The following RNF168 variants were observed in gnomAD, a reference collection of about 807,000 sequenced individuals.
RNF168 encodes the protein ring finger protein 168.
In RNF168, 34 loss-of-function variants were observed where a neutral mutation model predicts 34.9. The observed-to-expected ratio is 0.97, with a 90% confidence interval of 0.74 to 1.30. RNF168 has a LOEUF of 1.30. RNF168 is among the 50% of genes most tolerant of loss of function. RNF168 has a pLI of 0.00. For synonymous variants in RNF168, 264 were observed against 254.7 expected (o/e 1.04, Z -0.35); for missense variants, 725 against 682.5 (o/e 1.06, Z -0.69).
At chr3:196,481,115 T>C (rs1163559581) in intron 4 of RNF168, among the ~76,000 whole-genome samples, 1 of 152,252 alleles carries the variant, frequency 6.6e-6, no homozygotes, top group South Asian at 2.1e-4. Flanking sequence ...GTTTTCTACA[T>C]AGATAATTAT....
chr3:196,476,379 T>C (rs1577509750), intron 4 of RNF168, among the ~76,000 whole-genome samples: 1 of 152,070 alleles, frequency 6.6e-6, no homozygotes, highest in Non-Finnish European at 1.5e-5. Flanking sequence ...TATTCTGGTA[T>C]AGAGATGTTA....
intron 4 of RNF168, among the ~76,000 whole-genome samples, chr3:196,479,447 G>A (rs186183256): frequency 2.5e-3 from 379 of 151,694 alleles, no homozygotes; most frequent in African/African-American, 8.3e-3. Context: ...TGAGACCACA[G>A]GCACACCACG....
intron 4 of RNF168, among the ~76,000 whole-genome samples, chr3:196,480,504 T>C (rs192357705): frequency 1.7e-4 from 26 of 152,364 alleles, no homozygotes; most frequent in African/African-American, 5.0e-4. Context: ...AAAGAAAAAT[T>C]TGAAAAGTTG....
intron 4 of RNF168, among the ~76,000 whole-genome samples, chr3:196,478,539 T>C (rs927303902): frequency 2.3e-4 from 35 of 152,254 alleles, no homozygotes; most frequent in African/African-American, 8.4e-4. Flanking sequence ...GCTGCCCAAT[T>C]TGTGAATTGT....
At chr3:196,494,240 G>A (rs1732681966) in intron 1 of RNF168, among the ~76,000 whole-genome samples, 1 of 152,098 alleles carries the variant, frequency 6.6e-6, no homozygotes, top group Non-Finnish European at 1.5e-5. Flanking sequence ...TTTGCCATCT[G>A]TTGGAAACAA....
intron 4 of RNF168, among the ~76,000 whole-genome samples, chr3:196,476,959 G>A (rs553768376): frequency 6.6e-6 from 1 of 151,636 alleles, no homozygotes; most frequent in South Asian, 2.1e-4. Flanking sequence ...CGTTGGCCTG[G>A]ATGGTCTCAA....
At chr3:196,481,342 C>A (rs911422106) in intron 4 of RNF168, among the ~76,000 whole-genome samples, 5 of 151,802 alleles carry the variant, frequency 3.3e-5, no homozygotes, top group South Asian at 4.1e-4. Flanking sequence ...GAGGCCCAGG[C>A]GGGAGGATCA....
intron 1 of RNF168, among the ~76,000 whole-genome samples, chr3:196,495,661 TG>T (rs1254006481): frequency 6.6e-6 from 1 of 152,234 alleles, no homozygotes; most frequent in Non-Finnish European, 1.5e-5. Context: ...TTCATTACTG[TG>T]GTAACAGGCT....
intron 1 of RNF168, among the ~76,000 whole-genome samples, chr3:196,489,529 G>A: frequency 6.6e-6 from 1 of 151,534 alleles, no homozygotes; most frequent in East Asian, 2.0e-4. Context: ...TTTTTGCCAT[G>A]TTGGCCAGGC....
chr3:196,483,653 C>A lies in RNF168; in HGVS notation c.680+117G>T, dbSNP rs142000902. ...CTTTTCAATTTACCTCAACCTCAGACTATTTTCATACAAAGTTCACGGACC... is the reference window on the plus strand; with the variant it reads ...CTTTTCAATTTACCTCAACCTCAGAATATTTTCATACAAAGTTCACGGACC... On this transcript the variant is annotated intron_variant, in intron 4 of 5. Transcript: ENST00000318037. 7.6e-3 allele frequency: 6,648 copies of A among 878,962 alleles called. 39 individuals carry two copies. Among genetic ancestry groups the A allele is most frequent in the Non-Finnish European group, 9.5e-3 (4,981 of 525,906 alleles). 54.4% of individuals were successfully genotyped at this position (878,962 alleles called of 1,614,324 possible). A position where few individuals can be genotyped will look rare whatever the true frequency, so the allele number is the denominator to read the frequency against.
intron 1 of RNF168, among the ~76,000 whole-genome samples, chr3:196,498,825 T>C (rs952533601): frequency 1.1e-4 from 16 of 151,804 alleles, no homozygotes; most frequent in African/African-American, 3.9e-4. Flanking sequence ...TGAAACCCCA[T>C]CTCTACTAAA....
At chr3:196,497,552 C>A (rs1336386090) in intron 1 of RNF168, among the ~76,000 whole-genome samples, 1 of 151,940 alleles carries the variant, frequency 6.6e-6, no homozygotes, top group Non-Finnish European at 1.5e-5. Flanking sequence ...TGCCTGTAGT[C>A]CCAGCTACTC....
chr3:196,479,460 C>T (rs146086407), intron 4 of RNF168, among the ~76,000 whole-genome samples: 63 of 151,890 alleles, frequency 4.1e-4, no homozygotes, highest in African/African-American at 1.4e-3. Flanking sequence ...ACACCACGCC[C>T]GGCTAATTTT....
At chr3:196,494,587 G>T (rs950380348) in intron 1 of RNF168, among the ~76,000 whole-genome samples, 1 of 152,146 alleles carries the variant, frequency 6.6e-6, no homozygotes, top group African/African-American at 2.4e-5. Context: ...CCAATTAAAT[G>T]TGCATTCCTG....
chr3:196,500,506 G>A (rs1035814066), intron 1 of RNF168, among the ~76,000 whole-genome samples: 3 of 152,134 alleles, frequency 2.0e-5, no homozygotes, highest in African/African-American at 7.2e-5. Context: ...ATAGTAGGAG[G>A]GAGGAACGGT....
intron 4 of RNF168, among the ~76,000 whole-genome samples, chr3:196,483,067 A>T (rs1233161856): frequency 6.6e-6 from 1 of 151,814 alleles, no homozygotes; most frequent in Non-Finnish European, 1.5e-5. Flanking sequence ...TTTGCACATT[A>T]TGAGTACTGG....
rs1731962679 is a variant in RNF168, at chr3:196,470,088, AT to A, written c.*1730del. ...ACTGTCAGTCACCCCATCCAGCCTC[AT>A]CCTCATCTGGACCCATTTCTCACCA... is the stretch of plus-strand genomic sequence containing the variant. On this transcript the variant is annotated 3_prime_UTR_variant, in exon 6 of 6. Coordinates refer to ENST00000318037, the MANE Select transcript of RNF168 (RefSeq NM_152617.4). 1 of 151,734 alleles carries A rather than the reference AT, an allele frequency of 6.6e-6. No homozygotes were observed. Among genetic ancestry groups the A allele is most frequent in the Admixed American group, 6.6e-5 (1 of 15,194 alleles). The allele number at this position is 151,734 out of a possible 1,614,324, so 9.4% of individuals were successfully genotyped here. A position where few individuals can be genotyped will look rare whatever the true frequency, so the allele number is the denominator to read the frequency against.
intron 4 of RNF168, among the ~76,000 whole-genome samples, chr3:196,475,739 A>G (rs143726630): frequency 0.038 from 5,734 of 150,950 alleles, 357 homozygotes; most frequent in African/African-American, 0.13. Flanking sequence ...TTTAGTAGAG[A>G]CGAGGTTTCA....
chr3:196,492,025 C>T (rs745471518), intron 1 of RNF168, among the ~76,000 whole-genome samples: 1 of 152,026 alleles, frequency 6.6e-6, no homozygotes, highest in Non-Finnish European at 1.5e-5. Context: ...CAGTTTCAAG[C>T]GTGGAAGATG....
Sources: gnomAD v4.1 joint callset for allele counts (sites outside exome capture counted in the v4.1 genomes callset) on GRCh38, gnomAD v4.1.1 for gene constraint, MANE v1.5 for transcripts, NCBI Gene and HGNC (gene_info 2026-07-23, HGNC 2026-07-21) for gene names.